The following GNG4 variants were observed in gnomAD, a reference collection of about 807,000 sequenced individuals.
GNG4 encodes guanine nucleotide-binding protein G(I)/G(S)/G(O) subunit gamma-4.
In GNG4, 4 loss-of-function variants were observed where a neutral mutation model predicts 5.8. The observed-to-expected ratio is 0.69, with a 90% CI of 0.34 to 1.57. The LOEUF (loss-of-function observed/expected upper bound fraction) is 1.57, where lower values mean the gene tolerates loss of function less well. Ranked by LOEUF, GNG4 falls within the 40% of genes most tolerant of loss-of-function variation. GNG4 has a pLI of 0.06. For synonymous variants in GNG4, 29 were observed against 32.9 expected (o/e 0.88, Z 0.41); for missense variants, 96 against 95.1 (o/e 1.01, Z -0.04).
chr1:235,602,417 C>T (rs149509400), intron 1 of GNG4, among the ~76,000 whole-genome samples: 110 of 152,304 alleles, frequency 7.2e-4, no homozygotes, highest in African/African-American at 2.5e-3. Flanking sequence ...TCCCCAAATT[C>T]CCCCTGGAGC....
At chr1:235,625,685 T>A (rs1013259784) in intron 1 of GNG4, among the ~76,000 whole-genome samples, 2 of 152,184 alleles carry the variant, frequency 1.3e-5, no homozygotes, top group African/African-American at 4.8e-5. Flanking sequence ...GGAATCACAG[T>A]ATGTAGCCTT....
chr1:235,594,172 C>G (rs146017741), intron 2 of GNG4, among the ~76,000 whole-genome samples: 3,894 of 152,234 alleles, frequency 0.026, 138 homozygotes, highest in African/African-American at 0.073. Flanking sequence ...CTCCAAGTCC[C>G]CACCAGCGTA....
In GNG4 at chr1:235,642,225, C is replaced by T. The variant is rs897199120; in HGVS notation, c.-123+7437G>A. ...CGGCAGGGGCGGGGTGAGCCTTGGC[C>T]CCGCTCCCGTGCAGGTGTCGCGGGT... is the stretch of plus-strand genomic sequence containing the variant. On this transcript the variant is annotated intron_variant, in intron 1 of 3. Transcript: ENST00000391854. This position sits in a 1 kb window ranked among gnomAD's most constrained non-coding sequence, Gnocchi z 4.3. Among the ~76,000 whole-genome samples, 3 of 152,324 alleles carry T rather than the reference C, an allele frequency of 2.0e-5. No individual in the cohort carries two copies. The highest frequency in any genetic ancestry group is 4.8e-5 in the African/African-American group (2 of 41,578).
intron 1 of GNG4, among the ~76,000 whole-genome samples, chr1:235,621,830 C>T (rs182294503): frequency 6.6e-6 from 1 of 152,122 alleles, no homozygotes; most frequent in Non-Finnish European, 1.5e-5. Context: ...GAGTGCACCA[C>T]CATGTCTGGC....
intron 1 of GNG4, among the ~76,000 whole-genome samples, chr1:235,595,901 G>A (rs944724894): frequency 9.7e-5 from 14 of 144,274 alleles, no homozygotes; most frequent in Non-Finnish European, 1.7e-4. Context: ...GGGGCCGGGC[G>A]CGGTGGCTCA....
chr1:235,643,969 G>T (rs1402663417), intron 1 of GNG4, among the ~76,000 whole-genome samples: 1 of 152,230 alleles, frequency 6.6e-6, no homozygotes, highest in African/African-American at 2.4e-5. Context: ...CGGCAGAGCA[G>T]GGGCTGAGGG....
chr1:235,632,873 A>G (rs1688962462), intron 1 of GNG4, among the ~76,000 whole-genome samples: 1 of 152,242 alleles, frequency 6.6e-6, no homozygotes, highest in African/African-American at 2.4e-5. Context: ...CTAGATTAGA[A>G]GCATGGATGA....
chr1:235,562,595 A>T (rs1308597262), intron 3 of GNG4, among the ~76,000 whole-genome samples: 1 of 150,746 alleles, frequency 6.6e-6, no homozygotes. Flanking sequence ...CAGAGAGCCA[A>T]GATGGCACCA....
chr1:235,638,182 C>G (rs1292361244), intron 1 of GNG4, among the ~76,000 whole-genome samples: 1 of 152,230 alleles, frequency 6.6e-6, no homozygotes, highest in Non-Finnish European at 1.5e-5. Context: ...TGAATCTGCT[C>G]CTTTCTAGCT....
intron 2 of GNG4, among the ~76,000 whole-genome samples, chr1:235,588,517 C>T (rs1687881200): frequency 6.6e-6 from 1 of 152,246 alleles, no homozygotes. Flanking sequence ...TTTCCTCTGT[C>T]CCTAAAACCT....
In GNG4 at chr1:235,620,831, G is replaced by A. The variant is rs188146521; in HGVS notation, c.-122-25320C>T. On this transcript the variant is annotated intron_variant, in intron 1 of 3. Coordinates refer to ENST00000391854, the MANE Select transcript of GNG4 (RefSeq NM_001098722.2). The stretch of plus-strand genomic sequence containing the variant: ...ATTACAGGCGTGAGCCACTGCGCCC[G>A]GCCAAATGTGCTGTTTTAAGCATTT... Among the ~76,000 whole-genome samples, 234 of 152,256 alleles carry A rather than the reference G, an allele frequency of 1.5e-3. 1 individual carries two copies. The highest frequency in any genetic ancestry group is 5.2e-3 in the African/African-American group (214 of 41,546).
At chr1:235,633,488 T>A (rs1228835213) in intron 1 of GNG4, among the ~76,000 whole-genome samples, 1 of 152,190 alleles carries the variant, frequency 6.6e-6, no homozygotes, top group African/African-American at 2.4e-5. Context: ...TTTTAAAATT[T>A]AAAAAATTTT....
chr1:235,552,004 G>A lies in GNG4; in HGVS notation c.*105C>T, dbSNP rs1347134531. The A allele has an allele frequency of 6.6e-6, 6 of 902,940 alleles. No homozygotes were observed. Among genetic ancestry groups the A allele is most frequent in the Admixed American group, 2.1e-5 (1 of 48,774 alleles). The allele number at this position is 902,940 out of a possible 1,614,324, so 55.9% of individuals were successfully genotyped here. A position where few individuals can be genotyped will look rare whatever the true frequency, so the allele number is the denominator to read the frequency against. On this transcript the variant is annotated 3_prime_UTR_variant, in exon 4 of 4. Coordinates refer to ENST00000391854, the MANE Select transcript of GNG4 (RefSeq NM_001098722.2). ...AGACAAGCCCCGGCCACTGTTGGCTGGGCAGGGATGGGTGTTGGTCTCACT... is the reference window on the plus strand; with the variant it reads ...AGACAAGCCCCGGCCACTGTTGGCTAGGCAGGGATGGGTGTTGGTCTCACT...
At chr1:235,555,325 T>C (rs573394387) in intron 3 of GNG4, among the ~76,000 whole-genome samples, 2 of 152,250 alleles carry the variant, frequency 1.3e-5, no homozygotes, top group East Asian at 3.9e-4. Context: ...AGATCATCTC[T>C]TGTGGCTGAC....
rs549183972 is a variant in GNG4, at chr1:235,561,656, A to G, written c.100-9419T>C. Among the ~76,000 whole-genome samples, 4 of 152,266 alleles carry G rather than the reference A, an allele frequency of 2.6e-5. No individual in the cohort carries two copies. The East Asian group carries it at 7.7e-4, about 29-fold the overall frequency. On this transcript the variant is annotated intron_variant, in intron 3 of 3. Coordinates refer to ENST00000391854, the MANE Select transcript of GNG4 (RefSeq NM_001098722.2). ...GTGATCTGCCTGCCTCAGCCTCCCA[A>G]CGTGCTGGGATTACAGGCGAGAGCC... is the stretch of plus-strand genomic sequence containing the variant.
intron 1 of GNG4, among the ~76,000 whole-genome samples, chr1:235,607,748 A>G (rs1310901568): frequency 6.6e-6 from 1 of 152,040 alleles, no homozygotes; most frequent in African/African-American, 2.4e-5. Flanking sequence ...CCTACTTCAG[A>G]GCAAAGCCAC....
intron 1 of GNG4, among the ~76,000 whole-genome samples, chr1:235,596,795 G>T (rs1289213779): frequency 2.0e-5 from 3 of 151,774 alleles, no homozygotes; most frequent in African/African-American, 7.3e-5. Flanking sequence ...GAAAAATCAC[G>T]GCTCACTGTA....
Position 235,549,473 on chromosome 1 carries a change from C to CG in GNG4, c.*2635dup, listed in dbSNP as rs1686679689. 1.3e-5 allele frequency: 2 copies of CG among 152,220 alleles called. No individual in the cohort carries two copies. Among genetic ancestry groups the CG allele is most frequent in the Admixed American group, 6.5e-5 (1 of 15,280 alleles). 9.4% of individuals were successfully genotyped at this position (152,220 alleles called of 1,614,324 possible). A position where few individuals can be genotyped will look rare whatever the true frequency, so the allele number is the denominator to read the frequency against. On this transcript the variant is annotated 3_prime_UTR_variant, in exon 4 of 4. Transcript: ENST00000391854. ...TGACCTGATTTTGATGCTCTCTGTA[C>CG]GGCCCCGCTTTCTCGGCTTCTCTGA...
At chr1:235,615,601 G>T in intron 1 of GNG4, 1 of 219,984 alleles carries the variant, frequency 4.5e-6, no homozygotes. Context: ...TCTGGAAGAT[G>T]ATTATGTGTC....
Sources: allele counts gnomAD v4.1 joint callset (sites outside exome capture counted in the v4.1 genomes callset), GRCh38; gene constraint gnomAD v4.1.1; non-coding constraint Gnocchi (gnomAD v3.1); transcripts MANE v1.5; gene names NCBI Gene and HGNC (gene_info 2026-07-23, HGNC 2026-07-21).